Variants in PPFIA2 observed in about 807,000 individuals in gnomAD.
The protein encoded by PPFIA2 is liprin-alpha-2.
PPFIA2 carries 46 observed loss-of-function variants against 175.5 expected under a neutral mutation model. The ratio of observed to expected loss-of-function variants is 0.26; its 90% CI spans 0.21 to 0.34. The LOEUF is 0.34. Ranked by LOEUF, PPFIA2 falls within the 10% of genes least tolerant of loss-of-function variation. The pLI is 1.00. For synonymous variants in PPFIA2, 568 were observed against 511.4 expected (o/e 1.11, Z -1.49); for missense variants, 1,179 against 1,506.1 (o/e 0.78, Z 3.60).
intron 3 of PPFIA2, among the ~76,000 whole-genome samples, chr12:81,732,504 G>GC: frequency 9.3e-6 from 1 of 107,102 alleles, no homozygotes; most frequent in East Asian, 2.5e-4. Flanking sequence ...TATGGATGAT[G>GC]TTTTTTTTTA....
chr12:81,425,799 C>T (rs1211350836), intron 7 of PPFIA2, among the ~76,000 whole-genome samples: 1 of 152,146 alleles, frequency 6.6e-6, no homozygotes, highest in Non-Finnish European at 1.5e-5. Context: ...TTCCTTATCT[C>T]CCAATGACAC....
At chr12:81,346,563 T>C (rs146626764) in intron 18 of PPFIA2, among the ~76,000 whole-genome samples, 1 of 150,546 alleles carries the variant, frequency 6.6e-6, no homozygotes, top group Non-Finnish European at 1.5e-5. Flanking sequence ...GAAATTTGAC[T>C]TTTTCTCAGT....
At chr12:81,676,098 T>C (rs1356358808) in intron 4 of PPFIA2, among the ~76,000 whole-genome samples, 1 of 152,066 alleles carries the variant, frequency 6.6e-6, no homozygotes, top group African/African-American at 2.4e-5. Context: ...TAAATTTCAT[T>C]TTGCTAAACA....
chr12:81,605,056 A>T (rs2060151393), intron 4 of PPFIA2, among the ~76,000 whole-genome samples: 1 of 151,780 alleles, frequency 6.6e-6, no homozygotes, highest in Admixed American at 6.6e-5. Context: ...TGTTCCAAAA[A>T]TACTTAGAGC....
At chr12:81,437,783 TTTCTG>T (rs2049351148) in intron 7 of PPFIA2, among the ~76,000 whole-genome samples, 1 of 152,152 alleles carries the variant, frequency 6.6e-6, no homozygotes, top group South Asian at 2.1e-4. Flanking sequence ...TTTACGTTTT[TTTCTG>T]ATAGTTCCAG....
chr12:81,308,237 A>ATGCAGACAAATTAGGCTT (rs1277593708), intron 22 of PPFIA2, among the ~76,000 whole-genome samples: 1 of 152,206 alleles, frequency 6.6e-6, no homozygotes, highest in Non-Finnish European at 1.5e-5. Context: ...AAGGTTCTGG[A>ATGCAGACAAATTAGGCTT]TGCAGACAAA....
At chr12:81,614,782 C>T (rs139820182) in intron 4 of PPFIA2, among the ~76,000 whole-genome samples, 132 of 152,056 alleles carry the variant, frequency 8.7e-4, no homozygotes, top group African/African-American at 2.9e-3. Context: ...TATGAGGTTG[C>T]CCTTTATAAA....
At chr12:81,609,529 C>T (rs760499328) in intron 4 of PPFIA2, among the ~76,000 whole-genome samples, 7 of 152,030 alleles carry the variant, frequency 4.6e-5, no homozygotes, top group Non-Finnish European at 7.4e-5. Flanking sequence ...TTATGCAATG[C>T]CCTTCATTGT....
chr12:81,528,532 TATTC>T (rs562470756), intron 4 of PPFIA2, among the ~76,000 whole-genome samples: 19 of 152,232 alleles, frequency 1.2e-4, no homozygotes, highest in Middle Eastern at 3.4e-3. Context: ...ATTGGCTTTC[TATTC>T]AAATTATTGA....
intron 30 of PPFIA2, among the ~76,000 whole-genome samples, chr12:81,264,256 T>C (rs1157877164): frequency 2.0e-5 from 3 of 152,198 alleles, no homozygotes; most frequent in Non-Finnish European, 4.4e-5. Flanking sequence ...TTAATTCTGG[T>C]TGCTGATTTT....
At chr12:81,451,722 A>G (rs1230770860) in intron 5 of PPFIA2, among the ~76,000 whole-genome samples, 1 of 152,208 alleles carries the variant, frequency 6.6e-6, no homozygotes, top group Non-Finnish European at 1.5e-5. Context: ...ATTCTACATA[A>G]TAAGTACTTA....
At chr12:81,605,344 GAGA>G (rs1285130404) in intron 4 of PPFIA2, among the ~76,000 whole-genome samples, 1 of 151,746 alleles carries the variant, frequency 6.6e-6, no homozygotes, top group African/African-American at 2.4e-5. Flanking sequence ...GAAGAAGGAA[GAGA>G]AGAACATAGT....
chr12:81,498,336 C>T (rs1163504356), intron 4 of PPFIA2, among the ~76,000 whole-genome samples: 2 of 152,166 alleles, frequency 1.3e-5, no homozygotes, highest in Non-Finnish European at 2.9e-5. Context: ...ATTCAGGATA[C>T]AGATGAAATG....
chr12:81,451,764 C>A (rs2052627476), intron 5 of PPFIA2, among the ~76,000 whole-genome samples: 1 of 151,976 alleles, frequency 6.6e-6, no homozygotes, highest in Non-Finnish European at 1.5e-5. Flanking sequence ...TGATAAACAT[C>A]AATTATTCAG....
chr12:81,752,217 T>A (rs191307943), intron 3 of PPFIA2, among the ~76,000 whole-genome samples: 17 of 152,308 alleles, frequency 1.1e-4, no homozygotes, highest in African/African-American at 4.1e-4. Flanking sequence ...TAGTGTAAAC[T>A]AATGAAACAC....
intron 21 of PPFIA2, among the ~76,000 whole-genome samples, chr12:81,337,070 C>T (rs2057252797): frequency 6.6e-6 from 1 of 152,112 alleles, no homozygotes; most frequent in African/African-American, 2.4e-5. Flanking sequence ...GCCCATGTAT[C>T]ATTTCCTTTG....
chr12:81,658,506 T>C (rs1402283831), intron 4 of PPFIA2, among the ~76,000 whole-genome samples: 1 of 152,034 alleles, frequency 6.6e-6, no homozygotes, highest in African/African-American at 2.4e-5. Flanking sequence ...CATCTGTTTT[T>C]TCCAGAAAAA....
chr12:81,364,209 T>C (rs1411396000), intron 14 of PPFIA2, among the ~76,000 whole-genome samples: 1 of 151,134 alleles, frequency 6.6e-6, no homozygotes, highest in Non-Finnish European at 1.5e-5. Flanking sequence ...GGGTAAGGAG[T>C]CCAGTGTGGC....
At chr12:81,725,818 A>G (rs1341859148) in intron 3 of PPFIA2, among the ~76,000 whole-genome samples, 3 of 150,978 alleles carry the variant, frequency 2.0e-5, no homozygotes, top group African/African-American at 7.3e-5. Context: ...AAAAATGACA[A>G]TAGGTAAATA....
Sources: gnomAD v4.1 joint callset for allele counts (sites outside exome capture counted in the v4.1 genomes callset) on GRCh38, gnomAD v4.1.1 for gene constraint, MANE v1.5 for transcripts, NCBI Gene and HGNC (gene_info 2026-07-23, HGNC 2026-07-21) for gene names.